Variants in SOX5 observed in about 807,000 individuals in gnomAD.
The protein encoded by SOX5 is SRY-box transcription factor 5.
A neutral mutation model predicts 92.0 loss-of-function variants in SOX5; 9 were observed. That is an observed-to-expected ratio of 0.10 (90% confidence interval 0.06 to 0.17). The LOEUF (loss-of-function observed/expected upper bound fraction) is 0.17. Among genes scored for constraint, SOX5 ranks in the 10% least tolerant of loss-of-function variants. SOX5 has a pLI of 1.00. For synonymous variants in SOX5, 344 were observed against 336.3 expected (o/e 1.02, Z -0.25); for missense variants, 642 against 944.5 (o/e 0.68, Z 4.20).
chr12:23,748,833 T>C (rs2094088229), intron 4 of SOX5, among the ~76,000 whole-genome samples: 2 of 151,964 alleles, frequency 1.3e-5, no homozygotes, highest in Admixed American at 1.3e-4. Flanking sequence ...ATTCATTGTA[T>C]TGCCTTTTAA....
chr12:24,396,644 C>A (rs537355468), intron 1 of SOX5, among the ~76,000 whole-genome samples: 1 of 152,342 alleles, frequency 6.6e-6, no homozygotes, highest in Admixed American at 6.5e-5. Context: ...ATAGAGTTAA[C>A]CCAGTGAATC....
rs1948109287 is a variant in SOX5 at position 24,302,592 on chromosome 12, G to A, written c.-173-25280C>T. Among the ~76,000 whole-genome samples the A allele has an allele frequency of 2.0e-5, 3 of 151,978 alleles. 1 individual carries two copies. The highest frequency in any genetic ancestry group is 6.6e-5 in the Admixed American group (1 of 15,258). ...TTCCCTAAGCATTACAAGTTCCCAGGCTATGGGTATATTTAAGAGAATTCT... is the reference window on the plus strand; with the variant it reads ...TTCCCTAAGCATTACAAGTTCCCAGACTATGGGTATATTTAAGAGAATTCT... On this transcript the variant is annotated intron_variant, in intron 2 of 4. Transcript: ENST00000446891.
rs1363089440 is a variant in SOX5, at chr12:23,531,622, AT to A, written c.*2596del. On this transcript the variant is annotated 3_prime_UTR_variant, in exon 15 of 15. Coordinates refer to ENST00000451604, the MANE Select transcript of SOX5 (RefSeq NM_006940.6). ...AAATTTTTTAAAAATCTGTTTTCACATTGTACATAAAAATGATATAAAAACA... is the reference window on the plus strand; with the variant it reads ...AAATTTTTTAAAAATCTGTTTTCACATGTACATAAAAATGATATAAAAACA... 2 of 152,204 alleles carry A rather than the reference AT, an allele frequency of 1.3e-5. No individual in the cohort carries two copies. Among genetic ancestry groups the A allele is most frequent in the Non-Finnish European group, 2.9e-5 (2 of 68,036 alleles). 9.4% of individuals were successfully genotyped at this position (152,204 alleles called of 1,614,324 possible).
intron 1 of SOX5, among the ~76,000 whole-genome samples, chr12:24,506,826 T>C (rs1201089587): frequency 7.9e-6 from 1 of 126,388 alleles, no homozygotes; most frequent in Non-Finnish European, 1.6e-5. Flanking sequence ...AGTCTCGCTC[T>C]GTCGCCCAGG....
At chr12:24,330,747 A>T (rs1951211389) in intron 2 of SOX5, among the ~76,000 whole-genome samples, 1 of 152,260 alleles carries the variant, frequency 6.6e-6, no homozygotes, top group South Asian at 2.1e-4. Context: ...ATATGAGTGA[A>T]TATGTCTGCA....
chr12:24,055,590 A>G (rs1171438161), intron 4 of SOX5, among the ~76,000 whole-genome samples: 1 of 152,208 alleles, frequency 6.6e-6, no homozygotes, highest in Non-Finnish European at 1.5e-5. Context: ...CTTGCTCTGT[A>G]CATTTAAACA....
intron 2 of SOX5, among the ~76,000 whole-genome samples, chr12:24,334,068 T>C (rs1951627311): frequency 6.6e-6 from 1 of 151,576 alleles, no homozygotes; most frequent in African/African-American, 2.4e-5. Context: ...AATACAGTTA[T>C]TTGGGAAATA....
At chr12:24,465,349 C>T (rs1247881138) in intron 1 of SOX5, among the ~76,000 whole-genome samples, 3 of 152,172 alleles carry the variant, frequency 2.0e-5, no homozygotes, top group African/African-American at 7.2e-5. Flanking sequence ...TTCCAAGTGC[C>T]TTTACACATT....
Position 24,176,461 on chromosome 12 carries a change from T to A in SOX5, c.-2+36882A>T, listed in dbSNP as rs115062230. Among the ~76,000 whole-genome samples, 815 of 152,332 alleles carry A rather than the reference T, an allele frequency of 5.4e-3. 8 individuals are homozygous for A. Among genetic ancestry groups the A allele is most frequent in the African/African-American group, 0.019 (775 of 41,578 alleles). On this transcript the variant is annotated intron_variant, in intron 4 of 4. Transcript: ENST00000446891. ...GAGTAGAGAAACAGTATATGTTAAA[T>A]AATATTTAAATACATAGTACTTTGT...
At chr12:24,351,640 C>T (rs1954097267) in intron 2 of SOX5, among the ~76,000 whole-genome samples, 1 of 151,934 alleles carries the variant, frequency 6.6e-6, no homozygotes, top group African/African-American at 2.4e-5. Context: ...AACACATTAC[C>T]CAGTTCACGG....
intron 2 of SOX5, among the ~76,000 whole-genome samples, chr12:23,859,071 T>C (rs1156710490): frequency 6.6e-6 from 1 of 151,920 alleles, no homozygotes; most frequent in Non-Finnish European, 1.5e-5. Context: ...ACTGTACAAA[T>C]TGTAAAACAT....
chr12:23,923,100 A>T (rs894480745), intron 1 of SOX5, among the ~76,000 whole-genome samples: 2 of 151,876 alleles, frequency 1.3e-5, no homozygotes, highest in African/African-American at 2.4e-5. Flanking sequence ...CGCCCGCCAC[A>T]ACGCCCGGCT....
intron 4 of SOX5, among the ~76,000 whole-genome samples, chr12:24,192,431 C>T (rs1333019981): frequency 1.3e-5 from 2 of 152,096 alleles, no homozygotes; most frequent in African/African-American, 4.8e-5. Flanking sequence ...TTTTCTGAAC[C>T]AGATGAAGTA....
intron 4 of SOX5, among the ~76,000 whole-genome samples, chr12:24,111,224 G>C (rs945279985): frequency 1.3e-5 from 2 of 152,016 alleles, no homozygotes; most frequent in Admixed American, 1.3e-4. Flanking sequence ...TTCTAAACTT[G>C]AATCACCAAG....
chr12:24,067,844 T>C (rs1941022007), intron 4 of SOX5, among the ~76,000 whole-genome samples: 1 of 152,194 alleles, frequency 6.6e-6, no homozygotes, highest in South Asian at 2.1e-4. Context: ...GGATCAATTC[T>C]TTAAAAAACT....
chr12:23,947,485 A>G (rs1196461946), intron 1 of SOX5, among the ~76,000 whole-genome samples: 2 of 151,970 alleles, frequency 1.3e-5, no homozygotes, highest in Non-Finnish European at 2.9e-5. Flanking sequence ...TCACCCGTAC[A>G]AATTCAATGT....
chr12:23,807,668 T>A (rs1316009483), intron 3 of SOX5, among the ~76,000 whole-genome samples: 2 of 143,052 alleles, frequency 1.4e-5, no homozygotes, highest in Non-Finnish European at 3.0e-5. Flanking sequence ...TGAGACAGAG[T>A]TTTGCTGTGT....
chr12:24,459,040 C>T (rs763020591), intron 1 of SOX5, among the ~76,000 whole-genome samples: 4 of 152,138 alleles, frequency 2.6e-5, no homozygotes, highest in Non-Finnish European at 5.9e-5. Context: ...CACCTGATCC[C>T]GACCAAAACT....
intron 4 of SOX5, among the ~76,000 whole-genome samples, chr12:23,971,121 C>CTGTTTTT (rs1948275460): frequency 1.2e-5 from 1 of 86,222 alleles, no homozygotes; most frequent in Non-Finnish European, 2.0e-5. Context: ...TGTCAGCTGA[C>CTGTTTTT]TTTTTTTTTT....
Sources: allele counts gnomAD v4.1 joint callset (sites outside exome capture counted in the v4.1 genomes callset), GRCh38; gene constraint gnomAD v4.1.1; transcripts MANE v1.5; gene names NCBI Gene and HGNC (gene_info 2026-07-23, HGNC 2026-07-21).